The following LRBA variants were observed in gnomAD, a reference collection of about 807,000 sequenced individuals.
The protein encoded by LRBA is lipopolysaccharide-responsive and beige-like anchor protein.
Under a neutral mutation model 330.0 loss-of-function variants are expected in LRBA, and 176 were observed. The ratio of observed to expected loss-of-function variants is 0.53; its 90% confidence interval spans 0.47 to 0.60. LRBA has a LOEUF of 0.60. Ranked by LOEUF, LRBA falls within the 20% of genes least tolerant of loss-of-function variation. LRBA has a pLI of 0.00. For missense variants in LRBA, 3,259 were observed against 3,444.8 expected, an observed-to-expected ratio of 0.95 and a Z score of 1.35; for synonymous variants, 1,230 against 1,193.0, an observed-to-expected ratio of 1.03 and a Z score of -0.64.
intron 2 of LRBA, among the ~76,000 whole-genome samples, chr4:150,997,654 A>G (rs1216622877): frequency 6.6e-6 from 1 of 152,178 alleles, no homozygotes; most frequent in Non-Finnish European, 1.5e-5. Flanking sequence ...GGTTGGGGAA[A>G]AAAACATGAC....
chr4:150,753,526 T>A (rs1178579533), intron 35 of LRBA, among the ~76,000 whole-genome samples: 2 of 152,320 alleles, frequency 1.3e-5, no homozygotes, highest in African/African-American at 2.4e-5. Flanking sequence ...GTAGTTTTTT[T>A]AAAATGTGTA....
In LRBA at chr4:150,967,603, T is replaced by G. The variant is rs533425196; in HGVS notation, c.217-38538A>C. 2.3e-3 allele frequency among the ~76,000 whole-genome samples: 348 copies of G among 152,374 alleles called. 2 individuals are homozygous for G. Among genetic ancestry groups the G allele is most frequent in the Non-Finnish European group, 3.3e-3 (223 of 68,042 alleles). On this transcript the variant is annotated intron_variant, in intron 2 of 56. Transcript: ENST00000651943. ...ATTGTTCTTTGCAGATACAGCATTT[T>G]TTACAAATTGAAGGTTTGTGGCAGC...
At chr4:150,937,518 A>AT (rs894737985) in intron 2 of LRBA, among the ~76,000 whole-genome samples, 4 of 152,018 alleles carry the variant, frequency 2.6e-5, no homozygotes, top group Non-Finnish European at 2.9e-5. Flanking sequence ...TTATGGTTGT[A>AT]TTTTTTTGAA....
intron 31 of LRBA, among the ~76,000 whole-genome samples, chr4:150,809,790 G>C (rs1743343577): frequency 6.6e-6 from 1 of 152,088 alleles, no homozygotes; most frequent in Non-Finnish European, 1.5e-5. Context: ...AGAGGTTGCA[G>C]TGTGCCAAGA....
intron 2 of LRBA, among the ~76,000 whole-genome samples, chr4:150,968,201 A>C (rs762997662): frequency 1.3e-5 from 2 of 151,978 alleles, no homozygotes; most frequent in Non-Finnish European, 2.9e-5. Flanking sequence ...ATGGGGTTTC[A>C]CCATGTTGGC....
intron 54 of LRBA, 122 bp from the exon 55 acceptor site, chr4:150,282,768 A>G (rs1468019668): frequency 3.9e-5 from 26 of 671,312 alleles, no homozygotes; most frequent in Non-Finnish European, 6.1e-5. Context: ...AAGCCTTTAA[A>G]AAACTTCCAT....
At chr4:150,860,782 C>T (rs553801419) in intron 22 of LRBA, among the ~76,000 whole-genome samples, 5 of 151,506 alleles carry the variant, frequency 3.3e-5, no homozygotes, top group Admixed American at 6.6e-5. Context: ...GAGCCAAGAT[C>T]GTGCCACAGG....
intron 2 of LRBA, among the ~76,000 whole-genome samples, chr4:150,946,585 A>G (rs960623851): frequency 6.6e-6 from 1 of 150,570 alleles, no homozygotes; most frequent in Non-Finnish European, 1.5e-5. Context: ...CAAAATAAAA[A>G]TATAATATAT....
At chr4:150,339,844 C>CTTT (rs33987955) in intron 48 of LRBA, among the ~76,000 whole-genome samples, 21,953 of 136,864 alleles carry the variant, frequency 0.16, 2,120 homozygotes, top group East Asian at 0.24. Flanking sequence ...GCTCCTTTTC[C>CTTT]TTTTTTTTTT....
intron 46 of LRBA, among the ~76,000 whole-genome samples, chr4:150,426,818 A>T (rs1257650273): frequency 2.0e-5 from 3 of 151,660 alleles, no homozygotes; most frequent in Admixed American, 1.3e-4. Context: ...CAAATATATT[A>T]TTTTTTTTAT....
intron 40 of LRBA, among the ~76,000 whole-genome samples, chr4:150,505,948 G>T (rs374535676): frequency 6.6e-6 from 1 of 152,054 alleles, no homozygotes; most frequent in Non-Finnish European, 1.5e-5. Context: ...ACTATAAACA[G>T]CTCTATGCAA....
At chr4:150,728,501 C>G (rs1730001937) in intron 36 of LRBA, among the ~76,000 whole-genome samples, 1 of 151,884 alleles carries the variant, frequency 6.6e-6, no homozygotes, top group Admixed American at 6.6e-5. Flanking sequence ...TTAATCATGA[C>G]CAAGTGGGAT....
chr4:150,922,110 C>T (rs1733347893), intron 4 of LRBA, among the ~76,000 whole-genome samples: 1 of 152,108 alleles, frequency 6.6e-6, no homozygotes, highest in South Asian at 2.1e-4. Flanking sequence ...ATCCACCTGC[C>T]TCAGCCTCAC....
chr4:150,280,610 AAGTGC>A (rs1185629535), intron 55 of LRBA, among the ~76,000 whole-genome samples: 2 of 152,220 alleles, frequency 1.3e-5, no homozygotes, highest in Non-Finnish European at 2.9e-5. Context: ...AATAGGTGGG[AAGTGC>A]AGAGCTTCCC....
At chr4:150,637,314 C>T (rs1305180821) in intron 37 of LRBA, among the ~76,000 whole-genome samples, 1 of 152,110 alleles carries the variant, frequency 6.6e-6, no homozygotes, top group Admixed American at 6.5e-5. Flanking sequence ...ATACTAATAG[C>T]ATGGTGTCTT....
intron 47 of LRBA, among the ~76,000 whole-genome samples, chr4:150,367,111 A>G (rs1739562141): frequency 6.6e-6 from 1 of 152,236 alleles, no homozygotes; most frequent in Non-Finnish European, 1.5e-5. Context: ...AATTTTATTT[A>G]TAGAATAACT....
chr4:150,663,566 A>C (rs1781317105), intron 37 of LRBA, among the ~76,000 whole-genome samples: 1 of 151,820 alleles, frequency 6.6e-6, no homozygotes, highest in South Asian at 2.1e-4. Context: ...AAAAAAAAGA[A>C]GAGAAAAAAT....
At chr4:150,943,810 T>C (rs1148641) in intron 2 of LRBA, among the ~76,000 whole-genome samples, 16,116 of 152,168 alleles carry the variant, frequency 0.11, 1,171 homozygotes, top group South Asian at 0.26. Flanking sequence ...TCAAGCAACA[T>C]AGATATCCTC....
intron 36 of LRBA, among the ~76,000 whole-genome samples, chr4:150,720,459 A>G (rs1045009932): frequency 1.1e-4 from 16 of 152,106 alleles, no homozygotes; most frequent in African/African-American, 3.1e-4. Context: ...GGAACAAAAC[A>G]TAAGCTTTAT....
Sources: gnomAD v4.1 joint callset for allele counts (sites outside exome capture counted in the v4.1 genomes callset) on GRCh38, gnomAD v4.1.1 for gene constraint, MANE v1.5 for transcripts, NCBI Gene and HGNC (gene_info 2026-07-23, HGNC 2026-07-21) for gene names.